The following SGK1 variants were observed in gnomAD, a reference collection of about 807,000 sequenced individuals.
The protein encoded by SGK1 is serum/glucocorticoid regulated kinase 1, also known as serine/threonine-protein kinase Sgk1.
Under a neutral mutation model 64.2 loss-of-function variants are expected in SGK1, and 26 were observed. That is an observed-to-expected ratio of 0.40 (90% CI 0.30 to 0.56). The LOEUF is 0.56. Ranked by LOEUF, SGK1 falls within the 20% of genes least tolerant of loss-of-function variation. The probability of loss-of-function intolerance (pLI) is 0.38; values close to 1 mark genes in which losing one functional copy is unlikely to be tolerated. For synonymous variants in SGK1, 265 were observed against 239.7 expected (o/e 1.11, Z -0.98); for missense variants, 519 against 645.6 (o/e 0.80, Z 2.12).
Position 134,172,177 on chromosome 6 carries a change from C to T in SGK1, c.1071+16G>A, listed in dbSNP as rs541766523. The T allele has an allele frequency of 1.4e-5, 22 of 1,612,016 alleles. No individual in the cohort carries two copies. In the South Asian group the frequency reaches 2.1e-4, roughly 15 times the overall value. ...AGGCGGGGGTAAACCAGGCACCAAA[C>T]CAAGACAGCGCCTACCTCCGGCGTG... On this transcript the variant is annotated intron_variant, in intron 10 of 13. Coordinates refer to ENST00000367858, the MANE Select transcript of SGK1 (RefSeq NM_001143676.3).
chr6:134,283,744 G>T (rs2114772935), intron 1 of SGK1, among the ~76,000 whole-genome samples: 1 of 151,668 alleles, frequency 6.6e-6, no homozygotes, highest in Non-Finnish European at 1.5e-5. Context: ...TACTCAGGAG[G>T]CCGAGGTGGG....
chr6:134,247,312 G>T (rs1295239761), intron 2 of SGK1, among the ~76,000 whole-genome samples: 2 of 152,210 alleles, frequency 1.3e-5, no homozygotes, highest in Non-Finnish European at 2.9e-5. Flanking sequence ...CAACTGTGAA[G>T]CCTGGATTTC....
At chr6:134,296,468 C>G (rs1184176550) in intron 1 of SGK1, among the ~76,000 whole-genome samples, 1 of 151,988 alleles carries the variant, frequency 6.6e-6, no homozygotes, top group Non-Finnish European at 1.5e-5. Flanking sequence ...GACAGGATCT[C>G]ACTTTGGAAG....
Position 134,173,319 on chromosome 6 carries a change from A to G in SGK1, c.657T>C (p.Tyr219=), listed in dbSNP as rs947421977. Residue 219 remains tyrosine, a synonymous_variant, in exon 7 of 14, where the codon TAT becomes TAC. Coordinates refer to ENST00000367858, the MANE Select transcript of SGK1 (RefSeq NM_001143676.3). ...LARHKAEEVF[Y]AVKVLQKKAI... ...CTTTCTTCTGTAAAACTTTGACTGC[A>G]TAGAACACTTCTTCTGCCTTGTGTC... The G allele has an allele frequency of 3.7e-6, 6 of 1,613,986 alleles. No individual in the cohort carries two copies. Among genetic ancestry groups the G allele is most frequent in the Non-Finnish European group, 4.2e-6 (5 of 1,179,858 alleles).
At chr6:134,277,879 C>T (rs1285425501) in intron 1 of SGK1, among the ~76,000 whole-genome samples, 1 of 152,046 alleles carries the variant, frequency 6.6e-6, no homozygotes, top group Non-Finnish European at 1.5e-5. Flanking sequence ...TTTGGATTTC[C>T]TCACAATTTA....
chr6:134,246,890 TTA>T (rs1265235155), intron 2 of SGK1, among the ~76,000 whole-genome samples: 1 of 152,194 alleles, frequency 6.6e-6, no homozygotes, highest in Non-Finnish European at 1.5e-5. Context: ...CAAGTTCGTA[TTA>T]TGATTCATTT....
intron 2 of SGK1, among the ~76,000 whole-genome samples, chr6:134,210,811 CAAAAA>C (rs60820086): frequency 3.9e-5 from 2 of 50,810 alleles, no homozygotes; most frequent in African/African-American, 6.6e-5. Context: ...GACTCCGTCT[CAAAAA>C]AAAAAAAAAA....
At chr6:134,263,977 T>C (rs1409394537) in intron 1 of SGK1, among the ~76,000 whole-genome samples, 3 of 152,104 alleles carry the variant, frequency 2.0e-5, no homozygotes, top group Non-Finnish European at 4.4e-5. Context: ...AAAGGTACTA[T>C]TTTCAATCCC....
At chr6:134,291,425 C>A (rs1002784657) in intron 1 of SGK1, among the ~76,000 whole-genome samples, 1 of 152,196 alleles carries the variant, frequency 6.6e-6, no homozygotes, top group Non-Finnish European at 1.5e-5. Context: ...TACGAGAAAT[C>A]CAAAGAGAGA....
chr6:134,296,904 C>G (rs542020740), intron 1 of SGK1: 79 of 321,600 alleles, frequency 2.5e-4, no homozygotes, highest in African/African-American at 1.5e-3. Context: ...AGGTGGGTCT[C>G]CTGTTCCCTG....
At chr6:134,298,211 C>A in intron 1 of SGK1, 1 of 1,558,632 alleles carries the variant, frequency 6.4e-7, no homozygotes, top group Non-Finnish European at 8.8e-7. Flanking sequence ...CCAAGCTCTG[C>A]CTCCAGCTTC....
At chr6:134,197,504 T>A (rs953522476) in intron 3 of SGK1, among the ~76,000 whole-genome samples, 2 of 152,020 alleles carry the variant, frequency 1.3e-5, no homozygotes, top group Non-Finnish European at 2.9e-5. Context: ...TATGTTGAGG[T>A]CATTATTTAT....
intron 3 of SGK1, chr6:134,177,733 A>G: frequency 6.2e-7 from 1 of 1,613,988 alleles, no homozygotes; most frequent in Non-Finnish European, 8.5e-7. Context: ...GTTGGGGATT[A>G]CTTCTGGAGG....
At chr6:134,208,548 G>A (rs1439318320) in intron 2 of SGK1, among the ~76,000 whole-genome samples, 1 of 151,898 alleles carries the variant, frequency 6.6e-6, no homozygotes, top group African/African-American at 2.4e-5. Flanking sequence ...CCTTCCCCTT[G>A]AGTCCCCAGA....
intron 2 of SGK1, among the ~76,000 whole-genome samples, chr6:134,220,611 T>C (rs536033346): frequency 1.4e-3 from 207 of 152,332 alleles, no homozygotes; most frequent in African/African-American, 4.7e-3. Flanking sequence ...AGTCTCCTTA[T>C]TGGAAAAATT....
chr6:134,183,008 T>A (rs1054222320), intron 3 of SGK1, among the ~76,000 whole-genome samples: 1 of 151,842 alleles, frequency 6.6e-6, no homozygotes, highest in African/African-American at 2.4e-5. Flanking sequence ...GAGGGTGGAG[T>A]CATTGAAAGA....
intron 3 of SGK1, chr6:134,175,649 G>A: frequency 6.6e-7 from 1 of 1,523,752 alleles, no homozygotes; most frequent in Non-Finnish European, 8.8e-7. Flanking sequence ...AGCGCGCCCT[G>A]CATCTCCCCC....
intron 2 of SGK1, among the ~76,000 whole-genome samples, chr6:134,236,896 T>A (rs752494617): frequency 5.3e-5 from 8 of 152,154 alleles, no homozygotes; most frequent in Non-Finnish European, 1.2e-4. Flanking sequence ...ATAGAAGCCA[T>A]CACTGCTATT....
intron 1 of SGK1, among the ~76,000 whole-genome samples, chr6:134,295,126 C>A (rs570847524): frequency 3.9e-5 from 6 of 152,118 alleles, no homozygotes; most frequent in Middle Eastern, 3.4e-3. Context: ...CTCCTGCCCC[C>A]CAAGGGATGT....
Sources: allele counts gnomAD v4.1 joint callset (sites outside exome capture counted in the v4.1 genomes callset), GRCh38; gene constraint gnomAD v4.1.1; transcripts MANE v1.5; gene names NCBI Gene and HGNC (gene_info 2026-07-23, HGNC 2026-07-21).